Variants in NAALADL2 observed in about 807,000 individuals in gnomAD.
NAALADL2 encodes inactive N-acetylated-alpha-linked acidic dipeptidase-like protein 2.
In NAALADL2, 76 loss-of-function variants were observed where a neutral mutation model predicts 87.2. The observed-to-expected ratio is 0.87, with a 90% CI of 0.72 to 1.05. The LOEUF (loss-of-function observed/expected upper bound fraction) is 1.05, where lower values mean the gene tolerates loss of function less well. Among genes scored for constraint, NAALADL2 ranks in the 50% least tolerant of loss-of-function variants. The pLI, the probability that NAALADL2 is intolerant of heterozygous loss-of-function variation, is 0.00. For synonymous variants in NAALADL2, 354 were observed against 331.0 expected (o/e 1.07, Z -0.75); for missense variants, 1,089 against 945.8 (o/e 1.15, Z -1.99).
chr3:175,777,997 T>G (rs905646232), intron 13 of NAALADL2, among the ~76,000 whole-genome samples: 1 of 152,182 alleles, frequency 6.6e-6, no homozygotes, highest in African/African-American at 2.4e-5. Flanking sequence ...TCATACGCAG[T>G]CTGTGTGTCT....
At chr3:175,181,692 T>TGTGTGG (rs1344611485) in intron 2 of NAALADL2, among the ~76,000 whole-genome samples, 3 of 42,142 alleles carry the variant, frequency 7.1e-5, no homozygotes, top group African/African-American at 1.8e-4. Flanking sequence ...TATATATATA[T>TGTGTGG]ATATATATAT....
chr3:174,519,020 A>C (rs544139560), intron 1 of NAALADL2, among the ~76,000 whole-genome samples: 1 of 152,216 alleles, frequency 6.6e-6, no homozygotes, highest in Admixed American at 6.5e-5. Context: ...TTAACAAGGT[A>C]TCTCTCTGTA....
chr3:175,029,798 T>C (rs1276193999), intron 1 of NAALADL2, among the ~76,000 whole-genome samples: 2 of 152,214 alleles, frequency 1.3e-5, no homozygotes, highest in African/African-American at 4.8e-5. Context: ...CAGGAAAATG[T>C]ATGTTTTGTT....
chr3:175,409,259 C>T (rs1713008712), intron 5 of NAALADL2, among the ~76,000 whole-genome samples: 1 of 148,950 alleles, frequency 6.7e-6, no homozygotes, highest in African/African-American at 2.5e-5. Flanking sequence ...ATTAGAGATT[C>T]TCTTTTTTAC....
At chr3:175,735,511 G>T (rs1238933821) in intron 11 of NAALADL2, among the ~76,000 whole-genome samples, 1 of 152,176 alleles carries the variant, frequency 6.6e-6, no homozygotes, top group Admixed American at 6.5e-5. Context: ...AAGGAAAGAG[G>T]TTTAATGGAA....
chr3:175,649,100 A>G (rs1014473441), intron 11 of NAALADL2, among the ~76,000 whole-genome samples: 3 of 152,160 alleles, frequency 2.0e-5, no homozygotes, highest in African/African-American at 7.2e-5. Context: ...ATTTATTTTA[A>G]AAATCCTGCA....
intron 1 of NAALADL2, among the ~76,000 whole-genome samples, chr3:175,076,840 GT>G (rs1384821832): frequency 1.6e-4 from 25 of 152,160 alleles, no homozygotes. Context: ...TAAAGGTACT[GT>G]TTATGTGCAA....
intron 5 of NAALADL2, among the ~76,000 whole-genome samples, chr3:175,371,442 G>C (rs1478821124): frequency 6.6e-6 from 1 of 151,838 alleles, no homozygotes; most frequent in Non-Finnish European, 1.5e-5. Context: ...TAATTTTTTG[G>C]ATTTTTAGTA....
chr3:175,756,150 T>C (rs986412739), intron 13 of NAALADL2, among the ~76,000 whole-genome samples: 2 of 152,072 alleles, frequency 1.3e-5, no homozygotes, highest in African/African-American at 2.4e-5. Flanking sequence ...ATGATTATTA[T>C]TAAAAAGTGA....
intron 2 of NAALADL2, among the ~76,000 whole-genome samples, chr3:175,119,161 C>CA (rs1193090693): frequency 6.6e-6 from 1 of 150,942 alleles, no homozygotes; most frequent in African/African-American, 2.4e-5. Context: ...TTACACATTT[C>CA]AAAAACCTCT....
chr3:175,000,180 G>A (rs1425220855), intron 1 of NAALADL2, among the ~76,000 whole-genome samples: 1 of 152,096 alleles, frequency 6.6e-6, no homozygotes, highest in African/African-American at 2.4e-5. Flanking sequence ...GAGACAAAAA[G>A]AGAAATAAGA....
chr3:174,880,249 C>A (rs1729040968), intron 1 of NAALADL2, among the ~76,000 whole-genome samples: 1 of 152,098 alleles, frequency 6.6e-6, no homozygotes, highest in Non-Finnish European at 1.5e-5. Context: ...CTATGCTATA[C>A]TCCTGATAGT....
intron 1 of NAALADL2, among the ~76,000 whole-genome samples, chr3:174,961,905 G>C (rs1428659739): frequency 1.3e-5 from 2 of 151,890 alleles, no homozygotes; most frequent in Non-Finnish European, 1.5e-5. Flanking sequence ...ACTCTAATTT[G>C]GTCCCAGTAA....
At chr3:174,775,067 G>T (rs1715041040) in intron 3 of NAALADL2, among the ~76,000 whole-genome samples, 1 of 151,832 alleles carries the variant, frequency 6.6e-6, no homozygotes. Context: ...AATCTGTTTA[G>T]AAAAATAGGA....
intron 1 of NAALADL2, chr3:174,864,146 G>A: frequency 2.2e-6 from 1 of 446,154 alleles, no homozygotes. Context: ...GATGGACTGG[G>A]TACATTTTCC....
intron 1 of NAALADL2, chr3:174,523,508 C>T (rs1720459464): frequency 6.6e-6 from 1 of 152,164 alleles, no homozygotes; most frequent in African/African-American, 2.4e-5. Flanking sequence ...ATCTACATCT[C>T]TTACACAAAT....
intron 1 of NAALADL2, among the ~76,000 whole-genome samples, chr3:174,876,969 C>A (rs1255017317): frequency 6.6e-6 from 1 of 152,104 alleles, no homozygotes; most frequent in Non-Finnish European, 1.5e-5. Flanking sequence ...CAACTTCTTG[C>A]ATTTTTCTTA....
chr3:175,712,838 G>A (rs1184198937), intron 11 of NAALADL2, among the ~76,000 whole-genome samples: 1 of 151,980 alleles, frequency 6.6e-6, no homozygotes, highest in Non-Finnish European at 1.5e-5. Flanking sequence ...GCTAAGACAT[G>A]GACTCTAAAA....
At chr3:174,758,278 G>A (rs1242457415) in intron 3 of NAALADL2, among the ~76,000 whole-genome samples, 1 of 152,172 alleles carries the variant, frequency 6.6e-6, no homozygotes, top group Non-Finnish European at 1.5e-5. Flanking sequence ...CAAGAAGGCA[G>A]CAGGATTTAG....
Sources: allele counts gnomAD v4.1 joint callset (sites outside exome capture counted in the v4.1 genomes callset), GRCh38; gene constraint gnomAD v4.1.1; transcripts MANE v1.5; gene names NCBI Gene and HGNC (gene_info 2026-07-23, HGNC 2026-07-21).